HENMT1: variants seen among roughly 807,000 people sequenced by gnomAD.
HENMT1 encodes the protein small RNA 2'-O-methyltransferase.
Under a neutral mutation model 31.1 loss-of-function variants are expected in HENMT1, and 27 were observed. The observed-to-expected ratio is 0.87, with a 90% CI of 0.64 to 1.20. The LOEUF (loss-of-function observed/expected upper bound fraction) is 1.20. Among genes scored for constraint, HENMT1 ranks in the 50% most tolerant of loss-of-function variants. The pLI is 0.00. For synonymous variants in HENMT1, 167 were observed against 172.2 expected (o/e 0.97, Z 0.24); for missense variants, 438 against 469.6 (o/e 0.93, Z 0.62).
At chr1:108,658,141 T>C (rs180742528) in intron 2 of HENMT1, among the ~76,000 whole-genome samples, 2 of 150,716 alleles carry the variant, frequency 1.3e-5, no homozygotes, top group Admixed American at 6.6e-5. Flanking sequence ...ATATTTTTTT[T>C]TTCCCCCCAA....
chr1:108,653,067 G>A (rs1658109238), intron 5 of HENMT1, among the ~76,000 whole-genome samples: 1 of 146,580 alleles, frequency 6.8e-6, no homozygotes, highest in Admixed American at 6.8e-5. Flanking sequence ...TGCTCGTTGT[G>A]CAATGGCGTG....
At chr1:108,653,845 T>C (rs1295239672) in intron 5 of HENMT1, among the ~76,000 whole-genome samples, 1 of 152,230 alleles carries the variant, frequency 6.6e-6, no homozygotes, top group African/African-American at 2.4e-5. Context: ...TTTTCTCCCA[T>C]TCTATAGGTT....
chr1:108,660,335 C>G (rs1305531485), intron 1 of HENMT1, among the ~76,000 whole-genome samples: 1 of 152,140 alleles, frequency 6.6e-6, no homozygotes, highest in Non-Finnish European at 1.5e-5. Context: ...AACAGCCATC[C>G]TTTCCCTTTA....
chr1:108,656,613 C>G (rs569058690), intron 3 of HENMT1, among the ~76,000 whole-genome samples: 2 of 152,270 alleles, frequency 1.3e-5, no homozygotes, highest in Admixed American at 1.3e-4. Flanking sequence ...TCCTGAGTAA[C>G]TGGGACTATA....
At chr1:108,657,988 T>TAC in intron 2 of HENMT1, among the ~76,000 whole-genome samples, 1 of 139,952 alleles carries the variant, frequency 7.1e-6, no homozygotes, top group South Asian at 2.3e-4. Context: ...CACACACATA[T>TAC]ATATACACAC....
intron 3 of HENMT1, among the ~76,000 whole-genome samples, chr1:108,657,029 A>G (rs951736623): frequency 2.6e-5 from 4 of 152,224 alleles, no homozygotes; most frequent in South Asian, 2.1e-4. Context: ...TAAAACTTAG[A>G]TAAGATTCCT....
In HENMT1 at chr1:108,660,996, C is replaced by G; in HGVS notation, c.-112G>C. 2.0e-6 allele frequency: 2 copies of G among 985,324 alleles called. No homozygotes were observed. The highest frequency in any genetic ancestry group is 2.4e-6 in the Non-Finnish European group (2 of 829,844). The allele number at this position is 985,324 out of a possible 1,614,324, so 61.0% of individuals were successfully genotyped here. A position where few individuals can be genotyped will look rare whatever the true frequency, so the allele number is the denominator to read the frequency against. ...ACGCTTCTGTCTTTGTACGGGCCGT[C>G]GCTTCCATCATCCTGCGGTAAGCAG... On this transcript the variant is annotated 5_prime_UTR_variant, in exon 1 of 8. Coordinates refer to ENST00000651461, the MANE Select transcript of HENMT1 (RefSeq NM_001102592.2).
At chr1:108,654,387 CA>C in intron 5 of HENMT1, among the ~76,000 whole-genome samples, 1 of 151,766 alleles carries the variant, frequency 6.6e-6, no homozygotes, top group Middle Eastern at 3.4e-3. Context: ...TTAATTGATT[CA>C]GGAAAAAAAA....
chr1:108,656,427 T>C (rs894681904), intron 3 of HENMT1, among the ~76,000 whole-genome samples: 1 of 152,206 alleles, frequency 6.6e-6, no homozygotes, highest in Non-Finnish European at 1.5e-5. Context: ...TATGGATGGA[T>C]GGATGTAGAT....
At chr1:108,650,908 G>C in intron 6 of HENMT1, 122 bp downstream of exon 6, 2 of 694,366 alleles carry the variant, frequency 2.9e-6, no homozygotes, top group East Asian at 2.7e-5. Flanking sequence ...TCACACATTG[G>C]AATCAATTTT....
chr1:108,658,657 G>T (rs1658343546), intron 2 of HENMT1, among the ~76,000 whole-genome samples: 1 of 152,088 alleles, frequency 6.6e-6, no homozygotes, highest in Admixed American at 6.5e-5. Context: ...TCCTATCTTT[G>T]GGCTGCCTAG....
chr1:108,652,282 T>C (rs1658080190), intron 5 of HENMT1, among the ~76,000 whole-genome samples: 1 of 152,222 alleles, frequency 6.6e-6, no homozygotes, highest in South Asian at 2.1e-4. Context: ...AATTACATGG[T>C]TATGGTAAGA....
intron 2 of HENMT1, among the ~76,000 whole-genome samples, chr1:108,658,138 T>TC (rs201514623): frequency 0.011 from 1,718 of 150,686 alleles, 44 homozygotes; most frequent in African/African-American, 0.041. Flanking sequence ...TATATATTTT[T>TC]TTTTTCCCCC....
intron 3 of HENMT1, among the ~76,000 whole-genome samples, chr1:108,655,969 GAAC>G (rs1658227570): frequency 6.6e-6 from 1 of 151,240 alleles, no homozygotes; most frequent in African/African-American, 2.4e-5. Flanking sequence ...TCCTATTCCA[GAAC>G]AACTGTTATT....
chr1:108,654,752 C>T lies in HENMT1; in HGVS notation c.362G>A (p.Arg121His), dbSNP rs539258018. Residue 121 changes from arginine (R) to histidine (H), a missense_variant, in exon 5 of 8, where the codon CGT becomes CAT. By Grantham distance (29) the Arg-to-His change is conservative. Transcript: ENST00000651461. ...YHGSVVERDSRLLGFDLITCI... is the reference protein window; with the variant it reads ...YHGSVVERDSHLLGFDLITCI... ...CGTTATCAAGTCAAATCCAAGCAAACGAGAGTCTCTCTCCACAACGGAGCC... is the reference window on the plus strand; with the variant it reads ...CGTTATCAAGTCAAATCCAAGCAAATGAGAGTCTCTCTCCACAACGGAGCC... 21 of 1,613,998 alleles carry T rather than the reference C, an allele frequency of 1.3e-5. No individual in the cohort carries two copies. The highest frequency in any genetic ancestry group is 4.4e-5 in the South Asian group (4 of 91,076).
chr1:108,648,561 A>G lies in HENMT1; in HGVS notation c.*5T>C, dbSNP rs914290976. On this transcript the variant is annotated 3_prime_UTR_variant, in exon 8 of 8. Coordinates refer to ENST00000651461, the MANE Select transcript of HENMT1 (RefSeq NM_001102592.2). The stretch of plus-strand genomic sequence containing the variant: ...GACCCTGAAATTTCAGGAAATAAAC[A>G]TGGTTCAAAACTCAAACTGTTCATC... 1.2e-6 allele frequency: 2 copies of G among 1,606,686 alleles called. No homozygotes were observed. The highest frequency in any genetic ancestry group is 1.7e-6 in the Non-Finnish European group (2 of 1,174,270).
At chr1:108,653,180 A>AT (rs1658111076) in intron 5 of HENMT1, among the ~76,000 whole-genome samples, 1 of 151,482 alleles carries the variant, frequency 6.6e-6, no homozygotes, top group South Asian at 2.1e-4. Flanking sequence ...CGCCCAGCTA[A>AT]TTTTTTTGTA....
At position 108,654,755 on chromosome 1, in the gene HENMT1, G is replaced by C. The variant is rs1204397779; in HGVS notation, c.359C>G (p.Ser120Cys). The change falls in exon 5 of 8, where the codon TCT (serine) becomes TGT (cysteine). Residue 120 changes from serine (S) to cysteine (C), a missense_variant. By Grantham distance (112) the Ser-to-Cys change is moderately radical. Coordinates refer to ENST00000651461, the MANE Select transcript of HENMT1 (RefSeq NM_001102592.2). ...LYHGSVVERD[S>C]RLLGFDLITC... ...TATCAAGTCAAATCCAAGCAAACGA[G>C]AGTCTCTCTCCACAACGGAGCCATG... is the stretch of plus-strand genomic sequence containing the variant. 1 of 1,614,082 alleles carries C rather than the reference G, an allele frequency of 6.2e-7. No homozygotes were observed.
rs1488319509 is a variant in HENMT1, at chr1:108,654,569, G to A, written c.398+147C>T. 2.8e-5 allele frequency: 21 copies of A among 754,510 alleles called. No homozygotes were observed. In the Admixed American group the frequency reaches 6.1e-4, roughly 22 times the overall value. The allele number at this position is 754,510 out of a possible 1,614,324, so 46.7% of individuals were successfully genotyped here. A position where few individuals can be genotyped will look rare whatever the true frequency, so the allele number is the denominator to read the frequency against. ...CTTGAAATTTCTAAGTAAAATGTTG[G>A]AAAAGCAGAGTAAAAAGATATTCCC... On this transcript the variant is annotated intron_variant, in intron 5 of 7. Transcript: ENST00000651461.
Sources: allele counts gnomAD v4.1 joint callset (sites outside exome capture counted in the v4.1 genomes callset), GRCh38; gene constraint gnomAD v4.1.1; transcripts MANE v1.5; gene names NCBI Gene and HGNC (gene_info 2026-07-23, HGNC 2026-07-21).